The following ERBB4 variants were observed in gnomAD, a reference collection of about 807,000 sequenced individuals.
ERBB4 encodes the protein erb-b2 receptor tyrosine kinase 4.
In ERBB4, 42 loss-of-function variants were observed where a neutral mutation model predicts 158.0. The observed-to-expected ratio is 0.27, with a 90% confidence interval of 0.21 to 0.34. The LOEUF (loss-of-function observed/expected upper bound fraction) is 0.34. Ranked by LOEUF, ERBB4 falls within the 10% of genes least tolerant of loss-of-function variation. The pLI, the probability that ERBB4 is intolerant of heterozygous loss-of-function variation, is 1.00. For synonymous variants in ERBB4, 583 were observed against 558.7 expected (o/e 1.04, Z -0.61); for missense variants, 1,333 against 1,624.1 (o/e 0.82, Z 3.08).
At chr2:212,051,221 G>T (rs1376498265) in intron 2 of ERBB4, among the ~76,000 whole-genome samples, 3 of 151,856 alleles carry the variant, frequency 2.0e-5, no homozygotes, top group East Asian at 1.9e-4. Flanking sequence ...TGTTCTGCTT[G>T]GGATTTCATA....
chr2:211,566,810 A>G (rs1359161013), intron 19 of ERBB4, among the ~76,000 whole-genome samples: 1 of 152,008 alleles, frequency 6.6e-6, no homozygotes, highest in Non-Finnish European at 1.5e-5. Context: ...GATTAAAGTC[A>G]ATTTATACTT....
At chr2:211,693,523 G>A (rs1217151082) in intron 12 of ERBB4, among the ~76,000 whole-genome samples, 1 of 151,970 alleles carries the variant, frequency 6.6e-6, no homozygotes, top group Admixed American at 6.6e-5. Context: ...AGCTTCAGAA[G>A]AAAAAAGGAA....
At chr2:211,530,840 G>T (rs569367655) in intron 20 of ERBB4, among the ~76,000 whole-genome samples, 3 of 152,228 alleles carry the variant, frequency 2.0e-5, no homozygotes, top group East Asian at 1.9e-4. Flanking sequence ...AGTGAGCCAC[G>T]ATCATGCCAC....
chr2:211,591,722 A>C (rs2068471277), intron 19 of ERBB4, among the ~76,000 whole-genome samples: 1 of 152,222 alleles, frequency 6.6e-6, no homozygotes, highest in Admixed American at 6.5e-5. Flanking sequence ...TGTGTATGTT[A>C]ACACCTGACA....
chr2:211,512,555 A>G (rs1343887648), intron 20 of ERBB4, among the ~76,000 whole-genome samples: 1 of 152,130 alleles, frequency 6.6e-6, no homozygotes, highest in East Asian at 1.9e-4. Flanking sequence ...ATGAAATTAA[A>G]AAAAAAACTT....
chr2:212,439,817 AT>A (rs1418067831), intron 1 of ERBB4, among the ~76,000 whole-genome samples: 3 of 152,154 alleles, frequency 2.0e-5, no homozygotes, highest in Admixed American at 6.6e-5. Flanking sequence ...GAATAAAAAA[AT>A]ATAAGAAGCC....
At chr2:212,207,901 T>C (rs13416059) in intron 1 of ERBB4, among the ~76,000 whole-genome samples, 67,673 of 151,832 alleles carry the variant, frequency 0.45, 17,092 homozygotes, top group East Asian at 0.77. Context: ...TTCTAAAAAG[T>C]ATATGATCTT....
intron 20 of ERBB4, among the ~76,000 whole-genome samples, chr2:211,449,699 T>C (rs1449938001): frequency 6.6e-6 from 1 of 152,194 alleles, no homozygotes; most frequent in Non-Finnish European, 1.5e-5. Context: ...AAAAGAAAGC[T>C]AATTTAATGG....
intron 5 of ERBB4, among the ~76,000 whole-genome samples, chr2:211,738,793 A>T (rs1009815526): frequency 1.1e-4 from 17 of 151,378 alleles, no homozygotes; most frequent in Admixed American, 1.1e-3. Flanking sequence ...CAGCCTCCCA[A>T]ATAGCTGAGA....
At chr2:211,727,010 C>T (rs1399193482) in intron 5 of ERBB4, among the ~76,000 whole-genome samples, 1 of 152,142 alleles carries the variant, frequency 6.6e-6, no homozygotes, top group African/African-American at 2.4e-5. Flanking sequence ...TTCCTAGCTT[C>T]TCAGCCTAGG....
intron 1 of ERBB4, among the ~76,000 whole-genome samples, chr2:212,214,668 T>C (rs1426148470): frequency 7.8e-6 from 1 of 127,934 alleles, no homozygotes; most frequent in Admixed American, 8.0e-5. Flanking sequence ...TGTAAATTTG[T>C]ACAATCTTTT....
At chr2:212,010,514 C>T (rs2076360334) in intron 2 of ERBB4, among the ~76,000 whole-genome samples, 1 of 152,054 alleles carries the variant, frequency 6.6e-6, no homozygotes, top group South Asian at 2.1e-4. Flanking sequence ...ACAAAGATCA[C>T]ATGCTTCTGA....
At chr2:211,718,212 A>T (rs1209383540) in intron 7 of ERBB4, among the ~76,000 whole-genome samples, 1 of 152,136 alleles carries the variant, frequency 6.6e-6, no homozygotes, top group Non-Finnish European at 1.5e-5. Context: ...GTGCCTGGCC[A>T]GAAGATATAA....
At chr2:211,780,484 G>T (rs2076007470) in intron 4 of ERBB4, among the ~76,000 whole-genome samples, 1 of 152,208 alleles carries the variant, frequency 6.6e-6, no homozygotes. Context: ...AGGCTAGCAG[G>T]TGTATTGTGC....
chr2:212,482,302 T>A (rs1255159870), intron 1 of ERBB4, among the ~76,000 whole-genome samples: 1 of 152,212 alleles, frequency 6.6e-6, no homozygotes, highest in Non-Finnish European at 1.5e-5. Context: ...ACAACTGAGT[T>A]TTCTTAGGAA....
intron 1 of ERBB4, among the ~76,000 whole-genome samples, chr2:212,333,225 C>T (rs963236661): frequency 5.3e-5 from 8 of 151,964 alleles, no homozygotes; most frequent in Admixed American, 3.3e-4. Context: ...TGGTTAAGAA[C>T]CCTCACTCTA....
intron 2 of ERBB4, among the ~76,000 whole-genome samples, chr2:212,029,540 T>G (rs757611771): frequency 1.1e-4 from 16 of 152,134 alleles, no homozygotes; most frequent in Non-Finnish European, 2.1e-4. Context: ...GGATTTAAGA[T>G]TGTATTTAGG....
Position 211,745,410 on chromosome 2 carries a change from AAG to A in ERBB4, c.622+5227_622+5228del, listed in dbSNP as rs567926434. 2.6e-5 allele frequency among the ~76,000 whole-genome samples: 4 copies of A among 152,042 alleles called. No individual in the cohort carries two copies. The South Asian group carries it at 8.3e-4, about 32-fold the overall frequency. Reference sequence around the variant, plus strand: ...ATTTCGCTTTCAAGTAGCTCAGACTAAGAGAGAGAGAGGACAGGAATGAATGT... The same window carrying A: ...ATTTCGCTTTCAAGTAGCTCAGACTAAGAGAGAGAGGACAGGAATGAATGT... On this transcript the variant is annotated intron_variant, in intron 5 of 27. Coordinates refer to ENST00000342788, the MANE Select transcript of ERBB4 (RefSeq NM_005235.3).
chr2:211,773,602 A>ATATAT (rs1277998969), intron 4 of ERBB4, among the ~76,000 whole-genome samples: 1 of 12,736 alleles, frequency 7.9e-5, no homozygotes, highest in Non-Finnish European at 1.2e-4. Context: ...GTAACTTTAT[A>ATATAT]TATATATATA....
Sources: gnomAD v4.1 joint callset for allele counts (sites outside exome capture counted in the v4.1 genomes callset) on GRCh38, gnomAD v4.1.1 for gene constraint, MANE v1.5 for transcripts, NCBI Gene and HGNC (gene_info 2026-07-23, HGNC 2026-07-21) for gene names.